The following LTBP1 variants were observed in gnomAD, a reference collection of about 807,000 sequenced individuals.
LTBP1 encodes the protein latent transforming growth factor beta binding protein 1.
Under a neutral mutation model 207.6 loss-of-function variants are expected in LTBP1, and 129 were observed. The ratio of observed to expected loss-of-function variants is 0.62; its 90% CI spans 0.54 to 0.72. LTBP1 has a LOEUF of 0.72. Among genes scored for constraint, LTBP1 ranks in the 30% least tolerant of loss-of-function variants. The pLI is 0.00. For missense variants in LTBP1, 2,281 were observed against 2,217.2 expected (o/e 1.03, Z -0.58); for synonymous variants, 963 against 833.7 (o/e 1.16, Z -2.67).
chr2:33,286,944 G>C (rs2093677307), intron 19 of LTBP1, among the ~76,000 whole-genome samples: 2 of 152,118 alleles, frequency 1.3e-5, no homozygotes, highest in South Asian at 2.1e-4. Flanking sequence ...GGTGAGGGGA[G>C]GGGGAAGAGA....
intron 31 of LTBP1, among the ~76,000 whole-genome samples, chr2:33,376,741 T>G (rs980971360): frequency 1.4e-4 from 22 of 152,170 alleles, no homozygotes; most frequent in Non-Finnish European, 2.9e-4. Context: ...TAAGGGGATA[T>G]CCTCACCCCA....
intron 19 of LTBP1, among the ~76,000 whole-genome samples, chr2:33,285,116 A>G (rs1331548055): frequency 3.6e-5 from 5 of 138,294 alleles, no homozygotes. Flanking sequence ...ATCTCGGCTC[A>G]CTGCAACCTC....
chr2:32,956,658 A>G (rs1040734562), intron 2 of LTBP1, among the ~76,000 whole-genome samples: 1 of 152,204 alleles, frequency 6.6e-6, no homozygotes, highest in South Asian at 2.1e-4. Context: ...TAATGTGGAT[A>G]CTTTAATCTC....
At chr2:33,214,901 T>C (rs2090567374) in intron 7 of LTBP1, among the ~76,000 whole-genome samples, 1 of 152,122 alleles carries the variant, frequency 6.6e-6, no homozygotes, top group Admixed American at 6.5e-5. Context: ...TGTTTTGGTA[T>C]GCCTAGTTTT....
intron 19 of LTBP1, among the ~76,000 whole-genome samples, chr2:33,290,485 C>T (rs2093752847): frequency 6.6e-6 from 1 of 152,180 alleles, no homozygotes; most frequent in Admixed American, 6.5e-5. Flanking sequence ...AGTAGAGGAG[C>T]CAACACCATT....
At chr2:33,027,745 G>A (rs1191202691) in intron 3 of LTBP1, among the ~76,000 whole-genome samples, 2 of 152,184 alleles carry the variant, frequency 1.3e-5, no homozygotes, top group Non-Finnish European at 2.9e-5. Context: ...GCAGAGGCAG[G>A]AGAATCGCTT....
At chr2:33,377,270 G>T (rs1231832018) in intron 31 of LTBP1, among the ~76,000 whole-genome samples, 2 of 152,172 alleles carry the variant, frequency 1.3e-5, no homozygotes, top group Non-Finnish European at 2.9e-5. Context: ...GACCAGGGAG[G>T]ACCAGTGGAC....
intron 24 of LTBP1, among the ~76,000 whole-genome samples, chr2:33,321,743 T>TA (rs2094357577): frequency 6.6e-6 from 1 of 152,234 alleles, no homozygotes; most frequent in Non-Finnish European, 1.5e-5. Context: ...TTCAGGTTTT[T>TA]AAGAGTTTTC....
At chr2:33,128,760 A>C (rs1028096824) in intron 4 of LTBP1, among the ~76,000 whole-genome samples, 2 of 152,154 alleles carry the variant, frequency 1.3e-5, no homozygotes, top group Non-Finnish European at 2.9e-5. Flanking sequence ...TTACATTCTC[A>C]ATTCAGAATT....
intron 7 of LTBP1, among the ~76,000 whole-genome samples, chr2:33,207,521 A>G (rs1206228203): frequency 3.9e-5 from 6 of 152,212 alleles, no homozygotes; most frequent in South Asian, 2.1e-4. Flanking sequence ...AAGAAAGAAA[A>G]AAACCTTGCC....
Position 33,188,924 on chromosome 2 carries a change from TTGATAAAAATGC to T in LTBP1, c.1701+75_1701+86del, listed in dbSNP as rs1295871925. The T allele has an allele frequency of 8.1e-6, 12 of 1,486,578 alleles. No individual in the cohort carries two copies. The Middle Eastern group carries it at 5.8e-4, about 72-fold the overall frequency. 92.1% of individuals were successfully genotyped at this position (1,486,578 alleles called of 1,614,324 possible). A position where few individuals can be genotyped will look rare whatever the true frequency, so the allele number is the denominator to read the frequency against. On this transcript the variant is annotated intron_variant, in intron 7 of 33. Coordinates refer to ENST00000404816, the MANE Select transcript of LTBP1 (RefSeq NM_206943.4). ...TATCATTTTAACAAGAAAGCCAGAC[TTGATAAAAATGC>T]TTTTTTAAAAAAAAGGCTTTGACAA...
chr2:33,263,919 C>G (rs1405424985), intron 15 of LTBP1, among the ~76,000 whole-genome samples: 1 of 142,096 alleles, frequency 7.0e-6, no homozygotes, highest in Non-Finnish European at 1.5e-5. Context: ...CGCCACTGCA[C>G]TCCAGCCTGG....
chr2:32,993,374 G>A (rs995490147), intron 2 of LTBP1, among the ~76,000 whole-genome samples: 1 of 152,022 alleles, frequency 6.6e-6, no homozygotes, highest in Non-Finnish European at 1.5e-5. Context: ...AGGAAAAAAC[G>A]GAAAACAATC....
chr2:33,372,183 C>G (rs1353845785), intron 31 of LTBP1, among the ~76,000 whole-genome samples: 1 of 152,178 alleles, frequency 6.6e-6, no homozygotes, highest in Non-Finnish European at 1.5e-5. Context: ...TAAGTGGAAG[C>G]TTCAAATCCA....
At chr2:32,967,956 C>T (rs1408287594) in intron 2 of LTBP1, among the ~76,000 whole-genome samples, 2 of 149,578 alleles carry the variant, frequency 1.3e-5, no homozygotes, top group Non-Finnish European at 3.0e-5. Flanking sequence ...ATGGATTCAT[C>T]TATTATTCCT....
Position 33,060,649 on chromosome 2 carries a change from A to ATGTG in LTBP1, c.863+39444_863+39445insGTGT, listed in dbSNP as rs1370555631. ...TCGTTGTACTGAATTTTAAATTCAG[A>ATGTG]TCTGTGTGTGTGTGTGTGTGTGTGT... On this transcript the variant is annotated intron_variant, in intron 3 of 33. Transcript: ENST00000404816. Among the ~76,000 whole-genome samples, 54 of 86,124 alleles carry ATGTG rather than the reference A, an allele frequency of 6.3e-4. 1 individual carries two copies. In the South Asian group the frequency reaches 0.012, roughly 19 times the overall value. 56.5% of individuals were successfully genotyped at this position (86,124 alleles called of 152,430 possible). A position where few individuals can be genotyped will look rare whatever the true frequency, so the allele number is the denominator to read the frequency against.
At chr2:33,167,749 T>C (rs968427355) in intron 5 of LTBP1, among the ~76,000 whole-genome samples, 2 of 151,882 alleles carry the variant, frequency 1.3e-5, no homozygotes, top group African/African-American at 4.8e-5. Flanking sequence ...GTCAGAAGAG[T>C]CCAAGTGTTC....
At chr2:33,034,048 C>T (rs1223590336) in intron 3 of LTBP1, among the ~76,000 whole-genome samples, 2 of 152,112 alleles carry the variant, frequency 1.3e-5, no homozygotes, top group Non-Finnish European at 2.9e-5. Flanking sequence ...CATTCACCGT[C>T]CTAATTGGGT....
chr2:33,005,033 A>G (rs1686630058), intron 2 of LTBP1, among the ~76,000 whole-genome samples: 1 of 151,910 alleles, frequency 6.6e-6, no homozygotes, highest in Non-Finnish European at 1.5e-5. Context: ...ATCTGTGCTG[A>G]TTTTTATTTT....
Sources: allele counts gnomAD v4.1 joint callset (sites outside exome capture counted in the v4.1 genomes callset), GRCh38; gene constraint gnomAD v4.1.1; transcripts MANE v1.5; gene names NCBI Gene and HGNC (gene_info 2026-07-23, HGNC 2026-07-21).